The following ZNF345 variants were observed in gnomAD, a reference collection of about 807,000 sequenced individuals.
The protein encoded by ZNF345 is zinc finger protein HZF10.
For synonymous variants in ZNF345, 166 were observed against 187.9 expected (o/e 0.88, Z 0.95); for missense variants, 527 against 589.9 (o/e 0.89, Z 1.10).
chr19:36,854,049 A>G (rs894761003), intron 2 of ZNF345, among the ~76,000 whole-genome samples: 2 of 152,176 alleles, frequency 1.3e-5, no homozygotes, highest in Admixed American at 1.3e-4. Flanking sequence ...TTCTAATAAC[A>G]TGAGCCTCTC....
chr19:36,877,337 T>C lies in ZNF345; in HGVS notation c.507T>C (p.Ser169=). Residue 169 remains serine, a synonymous_variant, in exon 3 of 3, where the codon AGT becomes AGC. Transcript: ENST00000420450. ...SGLIRHQIIH[S]GEKPYECKEC... is the part of the protein sequence containing the mutation. ...TTATTCGACATCAGATCATTCACAG[T>C]GGTGAGAAGCCTTATGAGTGTAAGG... 6.2e-7 allele frequency: 1 copy of C among 1,613,980 alleles called. No homozygotes were observed. The highest frequency in any genetic ancestry group is 8.5e-7 in the Non-Finnish European group (1 of 1,180,008).
chr19:36,856,994 G>T (rs967669538), intron 2 of ZNF345, among the ~76,000 whole-genome samples: 43 of 152,110 alleles, frequency 2.8e-4, no homozygotes, highest in African/African-American at 1.0e-3. Context: ...CCATCAAATT[G>T]TTACAGCAAA....
chr19:36,860,962 A>G (rs867634299), intron 2 of ZNF345, among the ~76,000 whole-genome samples: 2 of 151,894 alleles, frequency 1.3e-5, no homozygotes, highest in Non-Finnish European at 1.5e-5. Context: ...TTTGATTTCT[A>G]TCGCCATTAT....
rs377440920 is a variant in ZNF345 at position 36,892,400 on chromosome 19, G to A, written c.47-418G>A. On this transcript the variant is annotated intron_variant, in intron 3 of 3. Coordinates refer to the ZNF345 transcript ENST00000526123. ...TGAATAAAAGTAGACATGTCTTCAC[G>A]GGTAATTATTACTTGACTGAAATGT... The A allele has an allele frequency of 5.6e-6, 9 of 1,611,634 alleles. No individual in the cohort carries two copies. Among genetic ancestry groups the A allele is most frequent in the African/African-American group, 1.3e-5 (1 of 74,888 alleles).
intron 3 of ZNF345, chr19:36,891,581 C>T (rs780815980): frequency 1.2e-6 from 2 of 1,613,434 alleles, no homozygotes; most frequent in Non-Finnish European, 8.5e-7. Context: ...GGTTTCTCAC[C>T]AGTGTGAATT....
intron 3 of ZNF345, chr19:36,892,115 A>G: frequency 6.2e-7 from 1 of 1,613,974 alleles, no homozygotes. Context: ...TGAGAAAAAT[A>G]TGAACTACAA....
downstream of ZNF345, among the ~76,000 whole-genome samples, chr19:36,881,947 A>G (rs1293557687): frequency 6.6e-6 from 1 of 151,740 alleles, no homozygotes; most frequent in Non-Finnish European, 1.5e-5. Context: ...ATTGGCTTTC[A>G]GTTTTCAGTC....
chr19:36,859,141 CT>C (rs2072489680), intron 2 of ZNF345, among the ~76,000 whole-genome samples: 1 of 149,994 alleles, frequency 6.7e-6, no homozygotes, highest in Admixed American at 6.6e-5. Flanking sequence ...AAATCTTAAA[CT>C]TTTTTATGGT....
chr19:36,891,865 G>C, intron 3 of ZNF345: 1 of 1,614,064 alleles, frequency 6.2e-7, no homozygotes. Context: ...AATAAGCCTT[G>C]AGTGTTGAGT....
rs1366841942 is a variant in ZNF345, at chr19:36,863,673, T to G, written c.-47+11769T>G. Among the ~76,000 whole-genome samples, 3 of 152,320 alleles carry G rather than the reference T, an allele frequency of 2.0e-5. No homozygotes were observed. In the East Asian group the frequency reaches 5.8e-4, roughly 29 times the overall value. Reference sequence around the variant, plus strand: ...AAGAAAGGGGAGATTCTTTTAGGATTTTTATGGAAATGCTCTCATTCTCAG... The same window carrying G: ...AAGAAAGGGGAGATTCTTTTAGGATGTTTATGGAAATGCTCTCATTCTCAG... On this transcript the variant is annotated intron_variant, in intron 2 of 2. Coordinates refer to ENST00000420450, the MANE Select transcript of ZNF345 (RefSeq NM_001242472.2).
chr19:36,880,620 C>T (rs500244), downstream of ZNF345, among the ~76,000 whole-genome samples: 11,012 of 151,950 alleles, frequency 0.072, 987 homozygotes, highest in African/African-American at 0.21. Flanking sequence ...AAGCCCCCAT[C>T]TCTACAATAA....
At chr19:36,882,141 A>G (rs2072972227), downstream of ZNF345, among the ~76,000 whole-genome samples, 2 of 148,690 alleles carry the variant, frequency 1.3e-5, no homozygotes, top group African/African-American at 2.5e-5. Context: ...ATATTTCACT[A>G]TTTTCTTTTT....
intron 2 of ZNF345, among the ~76,000 whole-genome samples, chr19:36,870,559 T>C (rs1306898001): frequency 6.6e-6 from 1 of 152,236 alleles, no homozygotes; most frequent in East Asian, 1.9e-4. Flanking sequence ...AATTAAATTT[T>C]GTGAGTTCTG....
At position 36,887,742 on chromosome 19, in the gene ZNF345, G is replaced by A. The variant is rs140563972; in HGVS notation, c.47-5076G>A. On this transcript the variant is annotated intron_variant, in intron 3 of 3. Coordinates refer to the ZNF345 transcript ENST00000526123. ...GCTAAAAGTCAAGATTCGAGACTCA[G>A]AATCATTTTGGTCCTCTTCAACATT... Among the ~76,000 whole-genome samples, 3 of 152,262 alleles carry A rather than the reference G, an allele frequency of 2.0e-5. No homozygotes were observed. The East Asian group carries it at 5.8e-4, about 29-fold the overall frequency.
chr19:36,876,840 C>T lies in ZNF345; in HGVS notation c.10C>T (p.Leu4Phe), dbSNP rs1026655550. The T allele has an allele frequency of 6.3e-7, 1 of 1,585,728 alleles. No homozygotes were observed. The highest frequency in any genetic ancestry group is 8.6e-7 in the Non-Finnish European group (1 of 1,166,882). The change falls in exon 3 of 3, where the codon CTT becomes TTT. Residue 4 changes from leucine (L) to phenylalanine (F), a missense_variant. Transcript: ENST00000420450. ...ATTTCTGAAAAAGGATATGGAAAAC[C>T]TTACAAAACACAGCATTGAGTGTTC... is the stretch of plus-strand genomic sequence containing the variant. The part of the protein sequence containing the change: MEN[L>F]TKHSIECSSF...
chr19:36,892,576 C>T, intron 3 of ZNF345: 4 of 1,249,900 alleles, frequency 3.2e-6, no homozygotes, highest in Non-Finnish European at 4.3e-6. Flanking sequence ...TGAGAAATTA[C>T]ACAGTTTTCA....
At chr19:36,886,947 T>G (rs1472510999) in intron 3 of ZNF345, among the ~76,000 whole-genome samples, 1 of 135,508 alleles carries the variant, frequency 7.4e-6, no homozygotes, top group South Asian at 2.3e-4. Context: ...TGAGCCGGGA[T>G]AGCGCCACTG....
At chr19:36,865,218 G>C (rs1053216435) in intron 2 of ZNF345, among the ~76,000 whole-genome samples, 3 of 152,124 alleles carry the variant, frequency 2.0e-5, no homozygotes, top group Non-Finnish European at 4.4e-5. Context: ...GTGTCTTTCA[G>C]ACATCCACTA....
At chr19:36,856,774 C>T (rs897389298) in intron 2 of ZNF345, among the ~76,000 whole-genome samples, 8 of 151,012 alleles carry the variant, frequency 5.3e-5, no homozygotes, top group Non-Finnish European at 1.2e-4. Flanking sequence ...CGCTGGAACC[C>T]GGGAGGCAGA....
Sources: allele counts gnomAD v4.1 joint callset (sites outside exome capture counted in the v4.1 genomes callset), GRCh38; gene constraint gnomAD v4.1.1; transcripts MANE v1.5; gene names NCBI Gene and HGNC (gene_info 2026-07-23, HGNC 2026-07-21).